SGCZ: variants seen among roughly 807,000 people sequenced by gnomAD.
SGCZ encodes the protein zeta-sarcoglycan.
Under a neutral mutation model 41.3 loss-of-function variants are expected in SGCZ, and 40 were observed. The ratio of observed to expected loss-of-function variants is 0.97; its 90% CI spans 0.75 to 1.26. The LOEUF (loss-of-function observed/expected upper bound fraction) is 1.26, where lower values mean the gene tolerates loss of function less well. Ranked by LOEUF, SGCZ falls within the 50% of genes most tolerant of loss-of-function variation. The pLI, the probability that SGCZ is intolerant of heterozygous loss-of-function variation, is 0.00. For synonymous variants in SGCZ, 206 were observed against 137.5 expected, an observed-to-expected ratio of 1.50 and a Z score of -3.49; for missense variants, 552 against 369.8, an observed-to-expected ratio of 1.49 and a Z score of -4.04.
chr8:14,201,179 C>A (rs1301477300), intron 4 of SGCZ, among the ~76,000 whole-genome samples: 1 of 152,038 alleles, frequency 6.6e-6, no homozygotes, highest in Admixed American at 6.6e-5. Context: ...GGTAGAAATA[C>A]AAAATTATAT....
chr8:14,410,540 T>TAAA (rs10602435), intron 2 of SGCZ, among the ~76,000 whole-genome samples: 1 of 142,162 alleles, frequency 7.0e-6, no homozygotes. Context: ...TAAGTTAATA[T>TAAA]AAAAAAAAAA....
At chr8:15,016,886 G>GAA (rs1803059262) in intron 1 of SGCZ, among the ~76,000 whole-genome samples, 1 of 151,954 alleles carries the variant, frequency 6.6e-6, no homozygotes, top group Admixed American at 6.6e-5. Context: ...GAGAGAGAGA[G>GAA]AAATGATGTG....
At chr8:15,022,367 C>T (rs191773731) in intron 1 of SGCZ, among the ~76,000 whole-genome samples, 1 of 151,954 alleles carries the variant, frequency 6.6e-6, no homozygotes, top group Admixed American at 6.6e-5. Context: ...TTTTTTGAGA[C>T]AGAGTCTTGC....
intron 1 of SGCZ, among the ~76,000 whole-genome samples, chr8:14,761,080 A>G (rs892235540): frequency 1.3e-5 from 2 of 152,214 alleles, no homozygotes; most frequent in African/African-American, 4.8e-5. Flanking sequence ...GTAATGCCCT[A>G]ATCATCAAGT....
chr8:15,119,971 G>A (rs554031794), intron 1 of SGCZ, among the ~76,000 whole-genome samples: 25 of 147,116 alleles, frequency 1.7e-4, no homozygotes, highest in South Asian at 2.2e-4. Flanking sequence ...CACCAAGCTC[G>A]GTTTTTTGGT....
chr8:14,764,149 G>C (rs1361166659), intron 1 of SGCZ, among the ~76,000 whole-genome samples: 1 of 152,188 alleles, frequency 6.6e-6, no homozygotes, highest in Non-Finnish European at 1.5e-5. Flanking sequence ...ACTTCAAAGA[G>C]TTTGTCCTAG....
chr8:14,929,254 G>T (rs10113659), intron 1 of SGCZ, among the ~76,000 whole-genome samples: 51,394 of 151,990 alleles, frequency 0.34, 9,173 homozygotes, highest in Non-Finnish European at 0.4. Context: ...GCCTCCCAAA[G>T]TACTGGGATT....
chr8:14,232,514 C>T (rs1048702677), intron 4 of SGCZ, among the ~76,000 whole-genome samples: 1 of 151,922 alleles, frequency 6.6e-6, no homozygotes, highest in East Asian at 1.9e-4. Context: ...TCAAGAATTA[C>T]TGAGGAAAAA....
At chr8:14,637,654 G>A (rs1489304051) in intron 1 of SGCZ, among the ~76,000 whole-genome samples, 7 of 151,726 alleles carry the variant, frequency 4.6e-5, no homozygotes, top group Admixed American at 2.0e-4. Flanking sequence ...ACATGATTCC[G>A]TTCTTTTTTA....
intron 2 of SGCZ, among the ~76,000 whole-genome samples, chr8:14,501,144 C>G (rs868602194): frequency 2.2e-4 from 34 of 152,038 alleles, no homozygotes; most frequent in African/African-American, 8.2e-4. Flanking sequence ...GAGACTGCCC[C>G]TGTGGGATCA....
intron 2 of SGCZ, among the ~76,000 whole-genome samples, chr8:14,509,771 C>A (rs1338568487): frequency 2.6e-5 from 4 of 152,038 alleles, no homozygotes; most frequent in African/African-American, 9.7e-5. Context: ...ACTTGGGAGG[C>A]CTCGGGAGAC....
Position 14,237,638 on chromosome 8 carries a change from C to T in SGCZ, c.378G>A (p.Val126=). ...ACTGCCCCATGTGATTTCTTGCATT[C>T]ACTGTGACATTCCTGTCAGACTGTA... The part of the protein sequence containing the change: ...LVLQSDRNVT[V]NARNHMGQLT... The change falls in exon 4 of 8, where the codon GTG becomes GTA. Residue 126 remains valine (V), a synonymous_variant. Transcript: ENST00000382080. The T allele has an allele frequency of 6.2e-7, 1 of 1,613,942 alleles. No individual in the cohort carries two copies. The highest frequency in any genetic ancestry group is 8.5e-7 in the Non-Finnish European group (1 of 1,179,872).
At chr8:14,896,437 T>TTTTATTTATTTATTTATTTA (rs376530633) in intron 1 of SGCZ, among the ~76,000 whole-genome samples, 131 of 151,414 alleles carry the variant, frequency 8.7e-4, no homozygotes, top group Admixed American at 1.7e-3. Context: ...GATGGAAGAC[T>TTTTATTTATTTATTTATTTA]TTTATTTATT....
At chr8:15,215,380 T>C (rs1283471767) in intron 1 of SGCZ, among the ~76,000 whole-genome samples, 5 of 152,178 alleles carry the variant, frequency 3.3e-5, no homozygotes, top group Non-Finnish European at 7.4e-5. Context: ...TATCTGAATA[T>C]AACATAAACA....
chr8:14,226,169 A>G (rs1440607462), intron 4 of SGCZ, among the ~76,000 whole-genome samples: 1 of 152,068 alleles, frequency 6.6e-6, no homozygotes, highest in Non-Finnish European at 1.5e-5. Context: ...CATGAAGAAA[A>G]TATTAGTATT....
chr8:14,972,486 T>G (rs1801333622), intron 1 of SGCZ, among the ~76,000 whole-genome samples: 1 of 152,212 alleles, frequency 6.6e-6, no homozygotes, highest in South Asian at 2.1e-4. Context: ...GGTTTGCTTA[T>G]GTAGACCATT....
At chr8:14,365,192 C>T (rs912197221) in intron 2 of SGCZ, among the ~76,000 whole-genome samples, 1 of 151,998 alleles carries the variant, frequency 6.6e-6, no homozygotes, top group African/African-American at 2.4e-5. Flanking sequence ...GCTGGACTTA[C>T]CTACTTACAG....
intron 1 of SGCZ, among the ~76,000 whole-genome samples, chr8:14,640,617 T>C (rs573645908): frequency 2.2e-3 from 331 of 150,722 alleles, no homozygotes; most frequent in African/African-American, 7.7e-3. Context: ...CATATATATA[T>C]ACACACATAT....
rs552048219 is a variant in SGCZ, at chr8:14,149,935, C to G, written c.547+14645G>C. 1.4e-4 allele frequency among the ~76,000 whole-genome samples: 22 copies of G among 152,174 alleles called. 2 individuals carry two copies. The East Asian group carries it at 1.9e-3, about 13-fold the overall frequency. The stretch of plus-strand genomic sequence containing the variant: ...GAACATACAATGGAGAAAAGACAGT[C>G]TATCAATAAATGGCATTGGGATAAC... On this transcript the variant is annotated intron_variant, in intron 5 of 7. Coordinates refer to ENST00000382080, the MANE Select transcript of SGCZ (RefSeq NM_139167.4).
Sources: gnomAD v4.1 joint callset for allele counts (sites outside exome capture counted in the v4.1 genomes callset) on GRCh38, gnomAD v4.1.1 for gene constraint, MANE v1.5 for transcripts, NCBI Gene and HGNC (gene_info 2026-07-23, HGNC 2026-07-21) for gene names.